Variants in TAFA1 observed in about 807,000 individuals in gnomAD.
TAFA1 encodes the protein TAFA chemokine like family member 1, also known as chemokine-like protein TAFA-1.
A neutral mutation model predicts 18.5 loss-of-function variants in TAFA1; 4 were observed. The ratio of observed to expected loss-of-function variants is 0.22; its 90% CI spans 0.11 to 0.49. The LOEUF is 0.49. Among genes scored for constraint, TAFA1 ranks in the 20% least tolerant of loss-of-function variants. The probability of loss-of-function intolerance (pLI) is 0.98; values close to 1 mark genes in which losing one functional copy is unlikely to be tolerated. For synonymous variants in TAFA1, 56 were observed against 55.2 expected (o/e 1.01, Z -0.06); for missense variants, 147 against 169.0 (o/e 0.87, Z 0.72).
rs1559585906 is a variant in TAFA1, at chr3:68,262,336, TATATATATATATA to T, written c.119-154943_119-154931del. ...ATATATATATATATATATATATATATATATATATATATATATATATATTTCATGGGTATATTGA... is the reference window on the plus strand; with the variant it reads ...ATATATATATATATATATATATATATTATATATATTTCATGGGTATATTGA... On this transcript the variant is annotated intron_variant, in intron 2 of 4. Transcript: ENST00000478136. Among the ~76,000 whole-genome samples, 98 of 97,658 alleles carry T rather than the reference TATATATATATATA, an allele frequency of 1.0e-3. 1 individual carries two copies. Among genetic ancestry groups the T allele is most frequent in the South Asian group, 1.8e-3 (4 of 2,180 alleles). The allele number at this position is 97,658 out of a possible 152,430, so 64.1% of individuals were successfully genotyped here.
chr3:68,458,939 T>G (rs112006258), intron 3 of TAFA1, among the ~76,000 whole-genome samples: 2,191 of 152,238 alleles, frequency 0.014, 65 homozygotes, highest in African/African-American at 0.049. Context: ...AGTAACGACT[T>G]CAGGATCAAC....
chr3:68,417,732 C>T (rs35983779), intron 3 of TAFA1: 40,576 of 210,330 alleles, frequency 0.19, 4,737 homozygotes, highest in Admixed American at 0.25. Flanking sequence ...AAGGAAAAAC[C>T]TGAGACTGGG....
At chr3:68,076,330 A>C (rs1423086143) in intron 2 of TAFA1, among the ~76,000 whole-genome samples, 2 of 150,928 alleles carry the variant, frequency 1.3e-5, no homozygotes, top group Non-Finnish European at 2.9e-5. Context: ...ATTATACTTT[A>C]AGTTTTAGGG....
chr3:68,139,688 A>T (rs2065647596), intron 2 of TAFA1, among the ~76,000 whole-genome samples: 1 of 152,190 alleles, frequency 6.6e-6, no homozygotes, highest in Admixed American at 6.5e-5. Context: ...AAGATCATGT[A>T]ATTATGCCAG....
chr3:68,199,521 C>T (rs1337718446), intron 2 of TAFA1, among the ~76,000 whole-genome samples: 2 of 151,382 alleles, frequency 1.3e-5, no homozygotes, highest in African/African-American at 4.8e-5. Flanking sequence ...TTATTTAGTT[C>T]TTTAATTTCT....
intron 2 of TAFA1, among the ~76,000 whole-genome samples, chr3:68,341,874 G>A (rs1363555527): frequency 6.6e-6 from 1 of 152,212 alleles, no homozygotes; most frequent in Non-Finnish European, 1.5e-5. Context: ...TTTGGCTGGA[G>A]CTTGATAGGG....
intron 2 of TAFA1, among the ~76,000 whole-genome samples, chr3:68,325,410 A>G (rs758211113): frequency 2.0e-5 from 3 of 152,226 alleles, no homozygotes; most frequent in Non-Finnish European, 4.4e-5. Context: ...GGTGAATAGT[A>G]TCTACATTTC....
chr3:68,337,484 A>G (rs2068993554), intron 2 of TAFA1, among the ~76,000 whole-genome samples: 1 of 152,178 alleles, frequency 6.6e-6, no homozygotes. Flanking sequence ...AATCCAAACG[A>G]TATCAATTGG....
At chr3:68,437,095 G>A (rs905468769) in intron 3 of TAFA1, among the ~76,000 whole-genome samples, 2 of 152,142 alleles carry the variant, frequency 1.3e-5, no homozygotes, top group Non-Finnish European at 2.9e-5. Flanking sequence ...ATGTTTAAAA[G>A]AAAGCTGGGA....
chr3:68,250,398 C>T (rs1236952569), intron 2 of TAFA1, among the ~76,000 whole-genome samples: 1 of 152,144 alleles, frequency 6.6e-6, no homozygotes, highest in Non-Finnish European at 1.5e-5. Flanking sequence ...GAAAGTGCAA[C>T]ACACCAATGC....
At chr3:68,070,631 C>T (rs2064742536) in intron 2 of TAFA1, among the ~76,000 whole-genome samples, 1 of 152,236 alleles carries the variant, frequency 6.6e-6, no homozygotes, top group Non-Finnish European at 1.5e-5. Flanking sequence ...ATTGCATTGT[C>T]AGGCTACACA....
At chr3:68,020,928 G>A (rs370340504) in intron 2 of TAFA1, among the ~76,000 whole-genome samples, 4 of 152,086 alleles carry the variant, frequency 2.6e-5, no homozygotes, top group African/African-American at 7.2e-5. Flanking sequence ...GCTCACACCT[G>A]TAATCCCAGC....
chr3:68,324,293 T>C (rs931999890), intron 2 of TAFA1, among the ~76,000 whole-genome samples: 1 of 151,698 alleles, frequency 6.6e-6, no homozygotes, highest in African/African-American at 2.4e-5. Flanking sequence ...TAAATATACT[T>C]TCTTTTAAAA....
chr3:68,223,177 G>A (rs2066753612), intron 2 of TAFA1, among the ~76,000 whole-genome samples: 1 of 152,114 alleles, frequency 6.6e-6, no homozygotes, highest in African/African-American at 2.4e-5. Context: ...TGATTTCCTT[G>A]AGGGCCTATT....
chr3:68,348,964 G>A (rs1010067807), intron 2 of TAFA1, among the ~76,000 whole-genome samples: 1 of 151,744 alleles, frequency 6.6e-6, no homozygotes, highest in Non-Finnish European at 1.5e-5. Flanking sequence ...AGGTGTAGAA[G>A]CTTTTTGCTT....
In TAFA1 at chr3:68,031,251, T is replaced by A. The variant is rs139567608; in HGVS notation, c.118+24507T>A. 5.2e-3 allele frequency among the ~76,000 whole-genome samples: 788 copies of A among 152,284 alleles called. 7 individuals are homozygous for A. The highest frequency in any genetic ancestry group is 0.018 in the African/African-American group (757 of 41,570). On this transcript the variant is annotated intron_variant, in intron 2 of 4. Transcript: ENST00000478136. ...TAAATATTCAGTATGGATTGGGGCCTGAATTTATTTGTATTGAGAAATTGA... is the reference window on the plus strand; with the variant it reads ...TAAATATTCAGTATGGATTGGGGCCAGAATTTATTTGTATTGAGAAATTGA...
intron 3 of TAFA1, among the ~76,000 whole-genome samples, chr3:68,457,232 T>C (rs2071682464): frequency 6.6e-6 from 1 of 152,182 alleles, no homozygotes; most frequent in Non-Finnish European, 1.5e-5. Context: ...TTATCTTGGT[T>C]TATATTCTCT....
Position 68,112,322 on chromosome 3 carries a change from A to G in TAFA1, c.118+105578A>G, listed in dbSNP as rs1243421313. 2.0e-5 allele frequency among the ~76,000 whole-genome samples: 3 copies of G among 152,236 alleles called. No homozygotes were observed. The East Asian group carries it at 5.8e-4, about 29-fold the overall frequency. On this transcript the variant is annotated intron_variant, in intron 2 of 4. Transcript: ENST00000478136. ...TGCATCCTGCTGAATGAGCTTATTC[A>G]GAAATTCAAAGTTGTTTAATGTTTC...
intron 3 of TAFA1, among the ~76,000 whole-genome samples, chr3:68,511,167 C>T (rs1305879456): frequency 6.6e-6 from 1 of 152,120 alleles, no homozygotes; most frequent in Non-Finnish European, 1.5e-5. Flanking sequence ...TTGCTTTGCC[C>T]ATTCAAGATT....
Sources: allele counts gnomAD v4.1 joint callset (sites outside exome capture counted in the v4.1 genomes callset), GRCh38; gene constraint gnomAD v4.1.1; transcripts MANE v1.5; gene names NCBI Gene and HGNC (gene_info 2026-07-23, HGNC 2026-07-21).